Variants in NDUFB1 observed in about 807,000 individuals in gnomAD.
NDUFB1 encodes NADH dehydrogenase [ubiquinone] 1 beta subcomplex subunit 1.
A neutral mutation model predicts 6.7 loss-of-function variants in NDUFB1; 6 were observed. That is an observed-to-expected ratio of 0.89 (90% CI 0.49 to 1.76). The LOEUF (loss-of-function observed/expected upper bound fraction) is 1.76. NDUFB1 is among the 40% of genes most tolerant of loss of function. The pLI is 0.01. For missense variants in NDUFB1, 56 were observed against 71.0 expected (o/e 0.79, Z 0.76); for synonymous variants, 17 against 22.9 (o/e 0.74, Z 0.74).
At chr14:92,116,331 CTT>C (rs35571568) in intron 2 of NDUFB1, 102 bp from the exon 3 acceptor site, 9,725 of 485,354 alleles carry the variant, frequency 0.02, 7 homozygotes, top group Middle Eastern at 0.029. Flanking sequence ...ATTTCATTTT[CTT>C]TTTTTTTTTT....
chr14:92,121,388 T>C (rs2068761687), intron 1 of NDUFB1: 1 of 596,884 alleles, frequency 1.7e-6, no homozygotes, highest in Non-Finnish European at 2.9e-6. Flanking sequence ...GGGCGGTCAC[T>C]GGGTCACATC....
intron 1 of NDUFB1, among the ~76,000 whole-genome samples, chr14:92,120,985 C>A (rs1452975894): frequency 6.6e-6 from 1 of 151,710 alleles, no homozygotes; most frequent in Non-Finnish European, 1.5e-5. Flanking sequence ...CATAGTGAAA[C>A]CCTCGTCTCT....
chr14:92,117,809 C>G, intron 1 of NDUFB1, 167 bp from the exon 2 acceptor site: 2 of 652,146 alleles, frequency 3.1e-6, no homozygotes, highest in African/African-American at 3.7e-5. Flanking sequence ...ACCAGCCTGG[C>G]CAACATGGCA....
intron 1 of NDUFB1, chr14:92,118,303 T>TG (rs2068730531): frequency 6.6e-6 from 1 of 152,318 alleles, no homozygotes; most frequent in East Asian, 1.9e-4. Context: ...CTCATGTTGT[T>TG]TTGGAACTTT....
chr14:92,116,697 T>C, intron 2 of NDUFB1, among the ~76,000 whole-genome samples: 1 of 152,232 alleles, frequency 6.6e-6, no homozygotes, highest in East Asian at 1.9e-4. Context: ...TCATCATATG[T>C]ATTCTTTTCA....
In NDUFB1 at chr14:92,121,705, G is replaced by A. The variant is rs138437079; in HGVS notation, c.-69C>T. ...GCAACAGGGAACTCAACCCGCGCCA[G>A]TGGAAGCTGCGACCTCGGGACCTGC... On this transcript the variant is annotated 5_prime_UTR_variant, in exon 1 of 3. Coordinates refer to ENST00000605997, the MANE Select transcript of NDUFB1 (RefSeq NM_004545.4). 1 of 1,613,812 alleles carries A rather than the reference G, an allele frequency of 6.2e-7. No individual in the cohort carries two copies. The highest frequency in any genetic ancestry group is 8.5e-7 in the Non-Finnish European group (1 of 1,179,996).
At chr14:92,116,821 C>T (rs76697170) in intron 2 of NDUFB1, among the ~76,000 whole-genome samples, 11 of 152,258 alleles carry the variant, frequency 7.2e-5, no homozygotes, top group South Asian at 6.2e-4. Flanking sequence ...TGAGTTCATT[C>T]GAAATGTTTT....
At chr14:92,119,972 G>A (rs997887725) in intron 1 of NDUFB1, among the ~76,000 whole-genome samples, 1 of 151,978 alleles carries the variant, frequency 6.6e-6, no homozygotes, top group Non-Finnish European at 1.5e-5. Flanking sequence ...TGTTGCCCAG[G>A]CTGGTCTCAA....
chr14:92,117,744 T>A (rs541508856), intron 1 of NDUFB1, 102 bp from the exon 2 acceptor site: 9 of 1,180,488 alleles, frequency 7.6e-6, no homozygotes, highest in South Asian at 5.5e-5. Flanking sequence ...ATGCCTGTAA[T>A]CCTAGCACTT....
chr14:92,121,565 A>C, intron 1 of NDUFB1, 77 bp downstream of exon 1: 1 of 1,598,692 alleles, frequency 6.3e-7, no homozygotes. Flanking sequence ...CACAGCACCG[A>C]GGGCTTGCCT....
intron 2 of NDUFB1, among the ~76,000 whole-genome samples, chr14:92,117,054 T>C (rs2068722051): frequency 6.6e-6 from 1 of 152,228 alleles, no homozygotes; most frequent in Admixed American, 6.5e-5. Flanking sequence ...CAGCTGCCAG[T>C]TGCTATCACT....
At chr14:92,119,945 G>C (rs1350426324) in intron 1 of NDUFB1, among the ~76,000 whole-genome samples, 4 of 151,760 alleles carry the variant, frequency 2.6e-5, no homozygotes, top group African/African-American at 4.8e-5. Context: ...TTTTTTTGTA[G>C]AGACAAGATC....
chr14:92,119,558 G>A (rs1256349210), intron 1 of NDUFB1, among the ~76,000 whole-genome samples: 1 of 152,172 alleles, frequency 6.6e-6, no homozygotes, highest in Non-Finnish European at 1.5e-5. Context: ...TAAATGCTGA[G>A]TTTCCAGAAG....
chr14:92,121,554 G>A, intron 1 of NDUFB1, 88 bp downstream of exon 1: 1 of 1,582,902 alleles, frequency 6.3e-7, no homozygotes, highest in South Asian at 1.1e-5. Context: ...CTCCACACAT[G>A]CACAGCACCG....
intron 1 of NDUFB1, 45 bp downstream of exon 1, chr14:92,121,597 G>T: frequency 6.2e-7 from 1 of 1,610,008 alleles, no homozygotes; most frequent in Non-Finnish European, 8.5e-7. Flanking sequence ...CGCCACCGTC[G>T]CCGTGATCCT....
intron 2 of NDUFB1, among the ~76,000 whole-genome samples, chr14:92,116,631 G>A (rs990752714): frequency 7.3e-5 from 11 of 151,680 alleles, no homozygotes; most frequent in Admixed American, 1.3e-4. Context: ...CACCGCGCCC[G>A]GTCAATATTT....
intron 1 of NDUFB1, among the ~76,000 whole-genome samples, chr14:92,119,742 T>C (rs2068739770): frequency 6.6e-6 from 1 of 152,104 alleles, no homozygotes; most frequent in Non-Finnish European, 1.5e-5. Flanking sequence ...CTTATACACA[T>C]AGCCTGAAGG....
intron 2 of NDUFB1, 56 bp from the exon 3 acceptor site, chr14:92,116,285 C>T (rs961836089): frequency 1.7e-5 from 23 of 1,385,428 alleles, no homozygotes; most frequent in Non-Finnish European, 1.7e-5. Context: ...AACTGTGATA[C>T]GAGATAAAAG....
chr14:92,121,669 C>G lies in NDUFB1; in HGVS notation c.-33G>C, dbSNP rs1480200982. ...GCAGCCTCAGCGCCTACAGCGACCCCGAGACCAAGGGCAACAGGGAACTCA... is the reference window on the plus strand; with the variant it reads ...GCAGCCTCAGCGCCTACAGCGACCCGGAGACCAAGGGCAACAGGGAACTCA... On this transcript the variant is annotated 5_prime_UTR_variant, in exon 1 of 3. Transcript: ENST00000605997. 4 of 1,613,570 alleles carry G rather than the reference C, an allele frequency of 2.5e-6. No homozygotes were observed. The highest frequency in any genetic ancestry group is 3.3e-5 in the Admixed American group (2 of 59,966).
Sources: gnomAD v4.1 joint callset for allele counts (sites outside exome capture counted in the v4.1 genomes callset) on GRCh38, gnomAD v4.1.1 for gene constraint, MANE v1.5 for transcripts, NCBI Gene and HGNC (gene_info 2026-07-23, HGNC 2026-07-21) for gene names.